ZBTB38: variants seen among roughly 807,000 people sequenced by gnomAD.
ZBTB38 encodes the protein zinc finger and BTB domain containing 38, also known as zinc finger and BTB domain-containing protein 38.
ZBTB38 carries 20 observed loss-of-function variants against 76.8 expected under a neutral mutation model. The ratio of observed to expected loss-of-function variants is 0.26; its 90% CI spans 0.18 to 0.38. The LOEUF is 0.38. Ranked by LOEUF, ZBTB38 falls within the 10% of genes least tolerant of loss-of-function variation. The probability of loss-of-function intolerance (pLI) is 1.00; values close to 1 mark genes in which losing one functional copy is unlikely to be tolerated. For missense variants in ZBTB38, 1,082 were observed against 1,482.3 expected (o/e 0.73, Z 4.43); for synonymous variants, 504 against 544.2 (o/e 0.93, Z 1.03).
At chr3:141,424,785 T>C (rs149317565) in intron 5 of ZBTB38, among the ~76,000 whole-genome samples, 42 of 152,252 alleles carry the variant, frequency 2.8e-4, no homozygotes, top group Admixed American at 2.1e-3. Flanking sequence ...CACAGTGAAA[T>C]AGGATATTTG....
At chr3:141,383,158 G>T (rs1946442370) in intron 3 of ZBTB38, among the ~76,000 whole-genome samples, 1 of 152,088 alleles carries the variant, frequency 6.6e-6, no homozygotes, top group Non-Finnish European at 1.5e-5. Flanking sequence ...AATGTGGAAG[G>T]CAGAAGTTCC....
intron 1 of ZBTB38, among the ~76,000 whole-genome samples, chr3:141,351,991 T>G (rs1943531548): frequency 6.6e-6 from 1 of 152,080 alleles, no homozygotes; most frequent in South Asian, 2.1e-4. Flanking sequence ...CTTCTCATTA[T>G]TTAATTCAGT....
intron 4 of ZBTB38, chr3:141,389,449 C>CTTTT (rs34802212): frequency 8.1e-6 from 1 of 123,780 alleles, no homozygotes; most frequent in South Asian, 2.6e-4. Flanking sequence ...CCTGCAACAC[C>CTTTT]TTTTTTTTTT....
At chr3:141,326,562 C>G (rs1277828095) in intron 1 of ZBTB38, among the ~76,000 whole-genome samples, 2 of 152,130 alleles carry the variant, frequency 1.3e-5, no homozygotes, top group East Asian at 3.8e-4. Flanking sequence ...ACTCACATGA[C>G]AGTTATTCTT....
intron 5 of ZBTB38, among the ~76,000 whole-genome samples, chr3:141,410,953 T>C (rs1292219069): frequency 6.6e-6 from 1 of 152,166 alleles, no homozygotes; most frequent in Non-Finnish European, 1.5e-5. Flanking sequence ...AAGGGTATCT[T>C]GGGATTATTT....
chr3:141,325,061 C>A (rs1172482609), intron 1 of ZBTB38, among the ~76,000 whole-genome samples: 1 of 152,178 alleles, frequency 6.6e-6, no homozygotes, highest in African/African-American at 2.4e-5. Flanking sequence ...CAGTGAAGAA[C>A]TTTATTTTGG....
intron 4 of ZBTB38, among the ~76,000 whole-genome samples, chr3:141,394,967 A>G (rs1950007415): frequency 6.6e-6 from 1 of 152,224 alleles, no homozygotes; most frequent in Non-Finnish European, 1.5e-5. Flanking sequence ...TTTTGACTAA[A>G]GCTGCCTTGA....
At position 141,443,241 on chromosome 3, in the gene ZBTB38, C is replaced by A. The variant is rs766353972; in HGVS notation, c.853C>A (p.Pro285Thr). 1 of 1,614,252 alleles carries A rather than the reference C, an allele frequency of 6.2e-7. No homozygotes were observed. Among genetic ancestry groups the A allele is most frequent in the Non-Finnish European group, 8.5e-7 (1 of 1,180,048 alleles). Residue 285 changes from proline to threonine, a missense_variant, in exon 6 of 6, where the codon CCT (proline) becomes ACT (threonine). Transcript: ENST00000321464. The surrounding 1 kb of genome is among the most constrained non-coding windows in gnomAD (Gnocchi z 5.6). ...SDSATENIPP[P>T]PVSNLEVNQE... is the part of the protein sequence containing the mutation. The stretch of plus-strand genomic sequence containing the variant: ...TTCAGCCACAGAAAATATACCACCC[C>A]CTCCAGTATCCAACTTAGAGGTTAA...
At position 141,340,996 on chromosome 3, in the gene ZBTB38, GA is replaced by G. The variant is rs1553760169; in HGVS notation, c.-739+16542del. Among the ~76,000 whole-genome samples, 57 of 91,982 alleles carry G rather than the reference GA, an allele frequency of 6.2e-4. No homozygotes were observed. The South Asian group carries it at 6.3e-3, about 10-fold the overall frequency. The allele number at this position is 91,982 out of a possible 152,430, so 60.3% of individuals were successfully genotyped here. A position where few individuals can be genotyped will look rare whatever the true frequency, so the allele number is the denominator to read the frequency against. On this transcript the variant is annotated intron_variant, in intron 1 of 7. Transcript: ENST00000509842. ...AAAGAAAGAAAGAAAGAAAGAGAAA[GA>G]AGAAAGAAAGAAAGAAAGAGAAAGA...
chr3:141,387,394 T>C (rs1404970559), intron 4 of ZBTB38: 2 of 152,232 alleles, frequency 1.3e-5, no homozygotes, highest in Non-Finnish European at 2.9e-5. Context: ...TGTTAATTAA[T>C]GTGAATATCA....
intron 1 of ZBTB38, among the ~76,000 whole-genome samples, chr3:141,360,969 T>C (rs1256902356): frequency 6.6e-6 from 1 of 152,218 alleles, no homozygotes; most frequent in Non-Finnish European, 1.5e-5. Context: ...CCAAATTCTC[T>C]GACTCCGTCA....
chr3:141,444,565 T>C lies in ZBTB38; in HGVS notation c.2177T>C (p.Val726Ala). The C allele has an allele frequency of 6.2e-7, 1 of 1,614,146 alleles. No homozygotes were observed. Among genetic ancestry groups the C allele is most frequent in the African/African-American group, 1.3e-5 (1 of 75,038 alleles). The change falls in exon 6 of 6, where the codon GTG becomes GCG. Residue 726 changes from valine to alanine, a missense_variant. This residue lies in a region of ZBTB38 where 471 missense variants were observed against 581.0 expected (regional missense o/e 0.81). Coordinates refer to ENST00000321464, the MANE Select transcript of ZBTB38 (RefSeq NM_001376113.1). The surrounding 1 kb of genome is among the most constrained non-coding windows in gnomAD (Gnocchi z 5.1). ...GTACACAGCAGCCAGTTTTCATCGGTGATCATGCACAGCAATGCCATTGCT... is the reference window on the plus strand; with the variant it reads ...GTACACAGCAGCCAGTTTTCATCGGCGATCATGCACAGCAATGCCATTGCT... ...VIVHSSQFSSVIMHSNAIAAM... is the reference protein window; with the variant it reads ...VIVHSSQFSSAIMHSNAIAAM...
intron 5 of ZBTB38, among the ~76,000 whole-genome samples, chr3:141,410,952 T>C (rs1332264947): frequency 6.6e-6 from 1 of 152,208 alleles, no homozygotes; most frequent in Non-Finnish European, 1.5e-5. Flanking sequence ...GAAGGGTATC[T>C]TGGGATTATT....
chr3:141,409,689 G>A (rs1955986078), intron 5 of ZBTB38, among the ~76,000 whole-genome samples: 1 of 152,194 alleles, frequency 6.6e-6, no homozygotes, highest in Admixed American at 6.5e-5. Flanking sequence ...GCTGCTGCAA[G>A]CCTTTCTTTT....
At chr3:141,419,519 A>C (rs1173158951) in intron 5 of ZBTB38, among the ~76,000 whole-genome samples, 1 of 152,198 alleles carries the variant, frequency 6.6e-6, no homozygotes, top group East Asian at 1.9e-4. Context: ...AGTTAGTTTG[A>C]AGCTCAGAGT....
At chr3:141,329,248 T>C (rs1304590270) in intron 1 of ZBTB38, among the ~76,000 whole-genome samples, 1 of 152,130 alleles carries the variant, frequency 6.6e-6, no homozygotes, top group African/African-American at 2.4e-5. Flanking sequence ...TATAGATGAG[T>C]ATGTGAAGGA....
At chr3:141,354,999 T>A (rs1290429645) in intron 1 of ZBTB38, among the ~76,000 whole-genome samples, 1 of 152,056 alleles carries the variant, frequency 6.6e-6, no homozygotes, top group East Asian at 1.9e-4. Flanking sequence ...TCCTAAGAAG[T>A]CATGTTTCCA....
rs1470241181 is a variant in ZBTB38, at chr3:141,445,704, C to G, written c.3316C>G (p.Leu1106Val). Residue 1106 changes from leucine (L) to valine (V), a missense_variant, in exon 6 of 6, where the codon CTC (leucine) becomes GTC (valine). Physicochemically the swap from Leu to Val is conservative, Grantham distance 32. Coordinates refer to ENST00000321464, the MANE Select transcript of ZBTB38 (RefSeq NM_001376113.1). This position sits in a 1 kb window ranked among gnomAD's most constrained non-coding sequence, Gnocchi z 6.5. ...CQFCFQRFLY[L>V]STKRNHEQRH... ...GTTCTGCTTTCAGAGATTTTTGTAT[C>G]TCTCCACCAAAAGGAATCACGAGCA... 1 of 1,614,166 alleles carries G rather than the reference C, an allele frequency of 6.2e-7. No individual in the cohort carries two copies. The highest frequency in any genetic ancestry group is 8.5e-7 in the Non-Finnish European group (1 of 1,180,028).
intron 5 of ZBTB38, among the ~76,000 whole-genome samples, chr3:141,431,341 A>AAAAAAAAAAAATATAT: frequency 9.7e-6 from 1 of 103,296 alleles, no homozygotes; most frequent in African/African-American, 6.0e-5. Context: ...AAAAAAAAAA[A>AAAAAAAAAAAATATAT]ATATATATAT....
Sources: allele counts gnomAD v4.1 joint callset (sites outside exome capture counted in the v4.1 genomes callset), GRCh38; gene constraint gnomAD v4.1.1; regional missense constraint gnomAD v4.1.1; non-coding constraint Gnocchi (gnomAD v3.1); transcripts MANE v1.5; gene names NCBI Gene and HGNC (gene_info 2026-07-23, HGNC 2026-07-21).